Variants in ITPR2 observed in about 807,000 individuals in gnomAD.
ITPR2 encodes inositol 1,4,5-trisphosphate-gated calcium channel ITPR2.
ITPR2 carries 207 observed loss-of-function variants against 317.1 expected under a neutral mutation model. The observed-to-expected ratio is 0.65, with a 90% CI of 0.58 to 0.73. The LOEUF (loss-of-function observed/expected upper bound fraction) is 0.73. ITPR2 is among the 30% of genes least tolerant of loss of function. The probability of loss-of-function intolerance (pLI) is 0.00; values close to 1 mark genes in which losing one functional copy is unlikely to be tolerated. For synonymous variants in ITPR2, 1,156 were observed against 1,149.1 expected, an observed-to-expected ratio of 1.01 and a Z score of -0.12; for missense variants, 2,613 against 3,284.0, an observed-to-expected ratio of 0.80 and a Z score of 4.99.
rs576271937 is a variant in ITPR2 at position 26,727,308 on chromosome 12, T to G, written c.164-1543A>C. On this transcript the variant is annotated intron_variant, in intron 2 of 56. Transcript: ENST00000381340. ...GCAGACTCTTTTGACTATCCTATATTAGGCAAGTGGCAAAACTCTATACTG... is the reference window on the plus strand; with the variant it reads ...GCAGACTCTTTTGACTATCCTATATGAGGCAAGTGGCAAAACTCTATACTG... Among the ~76,000 whole-genome samples, 14 of 152,294 alleles carry G rather than the reference T, an allele frequency of 9.2e-5. No homozygotes were observed. The East Asian group carries it at 2.5e-3, about 27-fold the overall frequency.
intron 44 of ITPR2, among the ~76,000 whole-genome samples, chr12:26,475,672 T>A (rs1942401044): frequency 6.6e-6 from 1 of 152,152 alleles, no homozygotes; most frequent in African/African-American, 2.4e-5. Context: ...ATTAGGAGAA[T>A]CGAGAACCCC....
chr12:26,768,559 T>A (rs1222884603), intron 2 of ITPR2, among the ~76,000 whole-genome samples: 1 of 65,346 alleles, frequency 1.5e-5, no homozygotes. Flanking sequence ...AATGGATGAA[T>A]ACAAATATAT....
At chr12:26,805,930 A>AGCT (rs1207395830) in intron 1 of ITPR2, among the ~76,000 whole-genome samples, 2 of 152,070 alleles carry the variant, frequency 1.3e-5, no homozygotes, top group African/African-American at 4.8e-5. Flanking sequence ...GAGCACAGGT[A>AGCT]GCTCAACGTG....
At chr12:26,577,555 C>A (rs971154159) in intron 34 of ITPR2, among the ~76,000 whole-genome samples, 5 of 152,030 alleles carry the variant, frequency 3.3e-5, no homozygotes, top group African/African-American at 1.2e-4. Flanking sequence ...TTTCATATTA[C>A]ATTCTCTTTT....
chr12:26,561,582 A>T (rs1444241477), intron 35 of ITPR2, among the ~76,000 whole-genome samples, 180 bp downstream of exon 35: 1 of 152,244 alleles, frequency 6.6e-6, no homozygotes, highest in East Asian at 1.9e-4. Flanking sequence ...TCATTAAAAA[A>T]TAACTCACGA....
In ITPR2 at chr12:26,653,991, T is replaced by G. The variant is rs780870844; in HGVS notation, c.2725A>C (p.Lys909Gln). The part of the protein sequence containing the change: ...PMSSYFERLS[K>Q]FQDGGNNVMR... ...AAATTCTTACCTCCATCTTGAAATTTGCTTAATCTTTCAAAGTATGATGAC... is the reference window on the plus strand; with the variant it reads ...AAATTCTTACCTCCATCTTGAAATTGGCTTAATCTTTCAAAGTATGATGAC... Residue 909 changes from lysine (K) to glutamine (Q), a missense_variant, in exon 21 of 57, where the codon AAA (lysine) becomes CAA (glutamine). Lys to Gln is a moderately conservative substitution (Grantham distance 53, BLOSUM62 1). This residue lies in a region of ITPR2 where 817 missense variants were observed against 897.6 expected (regional missense o/e 0.91). Transcript: ENST00000381340. The G allele has an allele frequency of 1.9e-6, 3 of 1,610,652 alleles. No homozygotes were observed. In the East Asian group the frequency reaches 6.7e-5, roughly 36 times the overall value.
rs1947554213 is a variant in ITPR2, at chr12:26,663,694, C to T, written c.1704G>A (p.Arg568=). ...GGGGCTACCCTCTGACCTGATTTTT[C>T]CGGTAATCCTGCTGCGAGTGTCTCA... ...RVLRHSQQDY[R]KNQEYIAKNF... is the part of the protein sequence containing the mutation. Residue 568 remains arginine, a synonymous_variant, in exon 15 of 57, where the codon CGG becomes CGA. Transcript: ENST00000381340. 6.2e-7 allele frequency: 1 copy of T among 1,608,642 alleles called. No homozygotes were observed. The highest frequency in any genetic ancestry group is 2.2e-5 in the East Asian group (1 of 44,782).
chr12:26,347,191 C>T (rs1161853727), intron 55 of ITPR2, among the ~76,000 whole-genome samples: 5 of 152,162 alleles, frequency 3.3e-5, no homozygotes, highest in Admixed American at 6.5e-5. Context: ...TAATTGTCCA[C>T]TGGCTCAAGA....
At chr12:26,632,376 C>T (rs535059864) in intron 21 of ITPR2, among the ~76,000 whole-genome samples, 1 of 152,322 alleles carries the variant, frequency 6.6e-6, no homozygotes, top group East Asian at 1.9e-4. Context: ...TACTAACTGT[C>T]ATACCAATAG....
intron 37 of ITPR2, among the ~76,000 whole-genome samples, chr12:26,538,263 A>G (rs980185829): frequency 2.0e-5 from 3 of 152,206 alleles, no homozygotes; most frequent in African/African-American, 4.8e-5. Context: ...AGTAAACCCC[A>G]TAAAAGTTTA....
chr12:26,766,848 G>GA (rs981344007), intron 2 of ITPR2, among the ~76,000 whole-genome samples: 10 of 152,100 alleles, frequency 6.6e-5, no homozygotes, highest in Non-Finnish European at 8.8e-5. Context: ...AAAGAGAGAA[G>GA]AAAAAAGGTA....
chr12:26,343,124 C>T (rs1421460399), intron 55 of ITPR2, among the ~76,000 whole-genome samples: 1 of 152,098 alleles, frequency 6.6e-6, no homozygotes, highest in African/African-American at 2.4e-5. Context: ...CTTTCAGAAC[C>T]ATGACCTGAA....
At chr12:26,392,774 C>T (rs1939887413) in intron 54 of ITPR2, among the ~76,000 whole-genome samples, 2 of 152,182 alleles carry the variant, frequency 1.3e-5, no homozygotes, top group Non-Finnish European at 2.9e-5. Flanking sequence ...ACTTGAATGA[C>T]TGAGTTTATG....
At chr12:26,740,499 G>A (rs1285279888) in intron 2 of ITPR2, among the ~76,000 whole-genome samples, 6 of 152,156 alleles carry the variant, frequency 3.9e-5, no homozygotes, top group African/African-American at 7.2e-5. Flanking sequence ...GGACATCTGC[G>A]ATACGTCACA....
Position 26,439,260 on chromosome 12 carries a change from T to C in ITPR2, c.6510A>G (p.Glu2170=). Residue 2170 remains glutamate, a synonymous_variant, in exon 47 of 57, where the codon GAA becomes GAG. Coordinates refer to ENST00000381340, the MANE Select transcript of ITPR2 (RefSeq NM_002223.4). The part of the protein sequence containing the change: ...QIVFPVPNIC[E]YLTRESKCRV... ...GGCACTTGGATTCTCGAGTGAGGTA[T>C]TCACATATATTGGGGACAGGAAAAA... 1.2e-6 allele frequency: 2 copies of C among 1,612,914 alleles called. No individual in the cohort carries two copies. Among genetic ancestry groups the C allele is most frequent in the African/African-American group, 1.3e-5 (1 of 75,038 alleles).
intron 55 of ITPR2, among the ~76,000 whole-genome samples, chr12:26,378,549 A>G (rs1591975532): frequency 6.6e-6 from 1 of 152,150 alleles, no homozygotes; most frequent in Non-Finnish European, 1.5e-5. Flanking sequence ...CAGTGGTGTG[A>G]TTTGACTTAA....
At chr12:26,778,335 C>G (rs981747507) in intron 2 of ITPR2, among the ~76,000 whole-genome samples, 4 of 152,132 alleles carry the variant, frequency 2.6e-5, no homozygotes, top group Admixed American at 2.6e-4. Context: ...CATCACATCC[C>G]CGTTCAACTC....
intron 1 of ITPR2, among the ~76,000 whole-genome samples, chr12:26,808,650 A>C (rs952122396): frequency 3.9e-5 from 6 of 152,180 alleles, no homozygotes; most frequent in Non-Finnish European, 7.4e-5. Context: ...GAAGACCCTC[A>C]AATATATGTA....
Position 26,831,427 on chromosome 12 carries a change from G to A in ITPR2, c.92+1263C>T, listed in dbSNP as rs1019347053. Among the ~76,000 whole-genome samples the A allele has an allele frequency of 6.6e-6, 1 of 152,038 alleles. No homozygotes were observed. The highest frequency in any genetic ancestry group is 1.5e-5 in the Non-Finnish European group (1 of 68,030). On this transcript the variant is annotated intron_variant, in intron 1 of 56. Coordinates refer to ENST00000381340, the MANE Select transcript of ITPR2 (RefSeq NM_002223.4). The surrounding 1 kb of genome is among the most constrained non-coding windows in gnomAD (Gnocchi z 4.9). The stretch of plus-strand genomic sequence containing the variant: ...CAGCTCGAAGTCACTGTCCCGGGTC[G>A]TTGCAGGTTAAGTCATCTGCCCCAA...
Sources: gnomAD v4.1 joint callset for allele counts (sites outside exome capture counted in the v4.1 genomes callset) on GRCh38, gnomAD v4.1.1 for gene constraint, gnomAD v4.1.1 regional missense constraint, Gnocchi (gnomAD v3.1) non-coding constraint, MANE v1.5 for transcripts, NCBI Gene and HGNC (gene_info 2026-07-23, HGNC 2026-07-21) for gene names.